Variants in IQCM observed in about 807,000 individuals in gnomAD.
The protein encoded by IQCM is IQ domain-containing protein M.
IQCM carries 45 observed loss-of-function variants against 57.6 expected under a neutral mutation model. The ratio of observed to expected loss-of-function variants is 0.78; its 90% CI spans 0.62 to 1.00. IQCM has a LOEUF of 1.00. Among genes scored for constraint, IQCM ranks in the 50% least tolerant of loss-of-function variants. The pLI, the probability that IQCM is intolerant of heterozygous loss-of-function variation, is 0.00. For missense variants in IQCM, 468 were observed against 511.6 expected, an observed-to-expected ratio of 0.91 and a Z score of 0.82; for synonymous variants, 148 against 158.9, an observed-to-expected ratio of 0.93 and a Z score of 0.51.
intron 12 of IQCM, among the ~76,000 whole-genome samples, chr4:149,494,934 C>G (rs1367643909): frequency 2.0e-5 from 3 of 152,010 alleles, no homozygotes; most frequent in Non-Finnish European, 4.4e-5. Context: ...AAAGTGAAAA[C>G]CAAGAAACCA....
intron 13 of IQCM, among the ~76,000 whole-genome samples, chr4:149,429,127 T>C (rs547905684): frequency 2.6e-4 from 40 of 151,962 alleles, no homozygotes; most frequent in South Asian, 1.0e-3. Flanking sequence ...TGCTCCTTAA[T>C]ATAATCTACA....
intron 5 of IQCM, among the ~76,000 whole-genome samples, chr4:149,692,965 T>G (rs775491743): frequency 3.3e-5 from 5 of 152,158 alleles, no homozygotes; most frequent in Non-Finnish European, 5.9e-5. Context: ...GCAAAAGGAA[T>G]GTAAGGCATT....
At chr4:149,460,797 A>C (rs1738193892) in intron 12 of IQCM, among the ~76,000 whole-genome samples, 1 of 152,202 alleles carries the variant, frequency 6.6e-6, no homozygotes, top group Admixed American at 6.5e-5. Context: ...GGTACTGACA[A>C]TAATTGGAAA....
chr4:149,599,585 T>C (rs1290382664), intron 8 of IQCM, among the ~76,000 whole-genome samples: 1 of 152,108 alleles, frequency 6.6e-6, no homozygotes, highest in Admixed American at 6.6e-5. Context: ...CTTAAATGAT[T>C]GACATATAAA....
chr4:149,611,624 T>TA (rs1755297413), intron 8 of IQCM, among the ~76,000 whole-genome samples: 1 of 152,052 alleles, frequency 6.6e-6, no homozygotes. Context: ...ATATGGGAGC[T>TA]AAAAAATAAT....
intron 13 of IQCM, among the ~76,000 whole-genome samples, chr4:149,365,360 A>G (rs1459132219): frequency 2.0e-5 from 3 of 152,218 alleles, no homozygotes; most frequent in Admixed American, 6.5e-5. Context: ...AATTCAAACT[A>G]TAAAAGAAAT....
chr4:149,553,049 T>G, intron 11 of IQCM, 94 bp downstream of exon 11: 1 of 913,740 alleles, frequency 1.1e-6, no homozygotes, highest in Non-Finnish European at 1.4e-6. Flanking sequence ...ACATATAATC[T>G]ACCTTTGCTT....
intron 12 of IQCM, among the ~76,000 whole-genome samples, chr4:149,519,059 G>A (rs75698143): frequency 0.018 from 2,769 of 152,284 alleles, 35 homozygotes; most frequent in Non-Finnish European, 0.026. Flanking sequence ...CTGGTTTCTT[G>A]TCAAACAGTG....
chr4:149,412,030 G>A (rs538984125), intron 13 of IQCM, among the ~76,000 whole-genome samples: 1 of 151,524 alleles, frequency 6.6e-6, no homozygotes, highest in Non-Finnish European at 1.5e-5. Context: ...ATCTTTACAC[G>A]TATTTCTTAA....
intron 7 of IQCM, among the ~76,000 whole-genome samples, chr4:149,636,158 C>T (rs1307840554): frequency 6.6e-6 from 1 of 152,134 alleles, no homozygotes; most frequent in African/African-American, 2.4e-5. Flanking sequence ...ACAAGGCAGT[C>T]TGATGATCTG....
At chr4:149,495,334 C>T (rs1025235535) in intron 12 of IQCM, among the ~76,000 whole-genome samples, 4 of 152,054 alleles carry the variant, frequency 2.6e-5, no homozygotes, top group South Asian at 2.1e-4. Flanking sequence ...GTGAGCTAAG[C>T]ACTAGTTTGA....
chr4:149,768,171 A>C (rs1352232383), intron 2 of IQCM, among the ~76,000 whole-genome samples: 1 of 152,154 alleles, frequency 6.6e-6, no homozygotes, highest in Admixed American at 6.6e-5. Flanking sequence ...TAAATATTTT[A>C]TAAAAACATG....
At chr4:149,655,353 C>T (rs78696288) in intron 7 of IQCM, among the ~76,000 whole-genome samples, 2,326 of 152,210 alleles carry the variant, frequency 0.015, 67 homozygotes, top group African/African-American at 0.053. Context: ...TTTCTTACAT[C>T]CCACAAGTCT....
chr4:149,357,853 C>T (rs528281998), intron 13 of IQCM, among the ~76,000 whole-genome samples: 5 of 152,226 alleles, frequency 3.3e-5, no homozygotes, highest in East Asian at 3.9e-4. Context: ...TGGTAGAATT[C>T]GGCTGTGAAT....
At chr4:149,526,790 ATATTAC>A (rs1174236709) in intron 12 of IQCM, among the ~76,000 whole-genome samples, 6 of 152,136 alleles carry the variant, frequency 3.9e-5, no homozygotes, top group African/African-American at 1.4e-4. Flanking sequence ...TGAATGCAAC[ATATTAC>A]TATCCAGAAT....
intron 8 of IQCM, among the ~76,000 whole-genome samples, chr4:149,589,074 T>C (rs1752892089): frequency 6.6e-6 from 1 of 151,970 alleles, no homozygotes; most frequent in South Asian, 2.1e-4. Flanking sequence ...TGTCTGGTCA[T>C]TCAGTGTGGT....
chr4:149,803,954 G>A (rs1286921449), intron 2 of IQCM, among the ~76,000 whole-genome samples: 1 of 151,872 alleles, frequency 6.6e-6, no homozygotes, highest in Non-Finnish European at 1.5e-5. Flanking sequence ...CCCTTGGGTT[G>A]TGATCTTCAA....
chr4:149,805,606 T>C (rs1168865326), intron 2 of IQCM, among the ~76,000 whole-genome samples: 1 of 152,076 alleles, frequency 6.6e-6, no homozygotes, highest in East Asian at 1.9e-4. Context: ...AAAACAACTT[T>C]GTATATTTTT....
At chr4:149,765,161 G>A (rs1769919195) in intron 2 of IQCM, among the ~76,000 whole-genome samples, 1 of 152,056 alleles carries the variant, frequency 6.6e-6, no homozygotes, top group Non-Finnish European at 1.5e-5. Context: ...CTACACTAAT[G>A]CATCTTATGT....
Sources: allele counts gnomAD v4.1 joint callset (sites outside exome capture counted in the v4.1 genomes callset), GRCh38; gene constraint gnomAD v4.1.1; transcripts MANE v1.5; gene names NCBI Gene and HGNC (gene_info 2026-07-23, HGNC 2026-07-21).